The following CALM2 variants were observed in gnomAD, a reference collection of about 807,000 sequenced individuals.
The protein encoded by CALM2 is calmodulin 2.
CALM2 carries 2 observed loss-of-function variants against 19.8 expected under a neutral mutation model. That is an observed-to-expected ratio of 0.10 (90% CI 0.04 to 0.32). The LOEUF is 0.32. CALM2 is among the 10% of genes least tolerant of loss of function. The pLI, the probability that CALM2 is intolerant of heterozygous loss-of-function variation, is 1.00. For missense variants in CALM2, 38 were observed against 178.7 expected (o/e 0.21, Z 4.49); for synonymous variants, 51 against 52.1 (o/e 0.98, Z 0.09).
chr2:47,169,915 G>A (rs1666610309), intron 2 of CALM2, among the ~76,000 whole-genome samples: 1 of 146,624 alleles, frequency 6.8e-6, no homozygotes, highest in Non-Finnish European at 1.5e-5. Context: ...TAATAAAAGT[G>A]TCTAATGAAA....
intron 1 of CALM2, chr2:47,172,412 A>T: frequency 1.5e-6 from 1 of 686,780 alleles, no homozygotes; most frequent in South Asian, 1.5e-5. Flanking sequence ...AACAATACTT[A>T]CCTTGCAGGG....
chr2:47,167,189 T>C (rs1380044066), intron 2 of CALM2, among the ~76,000 whole-genome samples: 2 of 152,192 alleles, frequency 1.3e-5, no homozygotes, highest in East Asian at 1.9e-4. Context: ...CATTGAGTAA[T>C]ATTAATATTT....
Position 47,160,753 on chromosome 2 carries a change from T to C in CALM2, c.*23A>G. Reference sequence around the variant, plus strand: ...AAATAAACAATTTTGTACAAGAAATTTAACACATTCTGTACAAGGTCTTCA... The same window carrying C: ...AAATAAACAATTTTGTACAAGAAATCTAACACATTCTGTACAAGGTCTTCA... On this transcript the variant is annotated 3_prime_UTR_variant, in exon 6 of 6. Transcript: ENST00000272298. 7.2e-7 allele frequency: 1 copy of C among 1,384,676 alleles called. No homozygotes were observed. The highest frequency in any genetic ancestry group is 2.5e-5 in the East Asian group (1 of 40,564). 85.8% of individuals were successfully genotyped at this position (1,384,676 alleles called of 1,614,324 possible). A position where few individuals can be genotyped will look rare whatever the true frequency, so the allele number is the denominator to read the frequency against.
rs755994751 is a variant in CALM2, at chr2:47,176,428, G to C, written c.3+13C>G. On this transcript the variant is annotated intron_variant, in intron 1 of 5. Transcript: ENST00000272298. ...CCACAGGCCCAGCGCCGGCAGCTCA[G>C]CGATGCACTCACCATGCTGCAAGCG... is the stretch of plus-strand genomic sequence containing the variant. 5.0e-6 allele frequency: 8 copies of C among 1,613,180 alleles called. No individual in the cohort carries two copies. The South Asian group carries it at 7.7e-5, about 16-fold the overall frequency.
intron 1 of CALM2, 162 bp downstream of exon 1, chr2:47,176,279 G>A (rs1029291116): frequency 1.4e-5 from 11 of 801,284 alleles, no homozygotes; most frequent in Non-Finnish European, 2.0e-5. Flanking sequence ...GGGAGCACCT[G>A]CGACACAACC....
chr2:47,163,176 G>GT (rs1337683806), intron 2 of CALM2: 1 of 153,216 alleles, frequency 6.5e-6, no homozygotes, highest in East Asian at 1.9e-4. Flanking sequence ...TGTGTTTAGA[G>GT]TTAGCCACTA....
chr2:47,162,458 G>C, intron 3 of CALM2, 61 bp downstream of exon 3: 1 of 1,610,184 alleles, frequency 6.2e-7, no homozygotes, highest in Non-Finnish European at 8.5e-7. Flanking sequence ...CAAAGGTTTA[G>C]TGGAAACATC....
At chr2:47,169,977 A>C (rs1403404497) in intron 2 of CALM2, among the ~76,000 whole-genome samples, 1 of 144,082 alleles carries the variant, frequency 6.9e-6, no homozygotes, top group Non-Finnish European at 1.5e-5. Context: ...AAAAAAAAAC[A>C]ACTCCGGCAA....
At chr2:47,165,555 T>C (rs973638146) in intron 2 of CALM2, among the ~76,000 whole-genome samples, 2 of 152,214 alleles carry the variant, frequency 1.3e-5, no homozygotes, top group Non-Finnish European at 2.9e-5. Flanking sequence ...TTTCTTGGCC[T>C]TCGTAACAGT....
intron 1 of CALM2, among the ~76,000 whole-genome samples, chr2:47,174,384 C>G (rs575204725): frequency 6.6e-6 from 1 of 152,216 alleles, no homozygotes; most frequent in African/African-American, 2.4e-5. Flanking sequence ...CATTGACTAG[C>G]CAGGACTACA....
chr2:47,175,766 C>T (rs1306703556), intron 1 of CALM2, among the ~76,000 whole-genome samples: 1 of 147,102 alleles, frequency 6.8e-6, no homozygotes, highest in African/African-American at 2.4e-5. Flanking sequence ...GCAGCTGGAG[C>T]TCGAGCGGGG....
Position 47,162,620 on chromosome 2 carries a change from C to T in CALM2, c.77G>A (p.Gly26Glu). ...AFSLFDKDGD[G>E]TITTKELGTV... The stretch of plus-strand genomic sequence containing the variant: ...TCCCAATTCCTTTGTTGTTATAGTT[C>T]CATCACCATCTTTGTCAAATAGTGA... The change falls in exon 3 of 6, where the codon GGA becomes GAA. Residue 26 changes from glycine to glutamate, a missense_variant. By Grantham distance (98) the Gly-to-Glu change is moderately conservative. Coordinates refer to ENST00000272298, the MANE Select transcript of CALM2 (RefSeq NM_001743.6). The T allele has an allele frequency of 6.2e-7, 1 of 1,609,932 alleles. No homozygotes were observed. The highest frequency in any genetic ancestry group is 8.5e-7 in the Non-Finnish European group (1 of 1,177,886).
intron 1 of CALM2, among the ~76,000 whole-genome samples, chr2:47,175,947 C>A (rs1229724425): frequency 6.6e-6 from 1 of 151,556 alleles, no homozygotes; most frequent in African/African-American, 2.4e-5. Context: ...CCGACGCTCG[C>A]CCCAGGGCCC....
At chr2:47,173,753 T>C (rs1183192993) in intron 1 of CALM2, 1 of 152,248 alleles carries the variant, frequency 6.6e-6, no homozygotes, top group Non-Finnish European at 1.5e-5. Flanking sequence ...AGGTGCTACT[T>C]TGATACAACA....
chr2:47,175,783 G>C (rs998122431), intron 1 of CALM2, among the ~76,000 whole-genome samples: 5 of 149,662 alleles, frequency 3.3e-5, no homozygotes, highest in African/African-American at 7.3e-5. Context: ...GGGGCCGAGC[G>C]GGGCGGCGGC....
intron 1 of CALM2, among the ~76,000 whole-genome samples, chr2:47,175,178 C>G (rs571261649): frequency 1.3e-5 from 2 of 150,040 alleles, no homozygotes; most frequent in Admixed American, 1.3e-4. Flanking sequence ...CGCATACACT[C>G]TTCCATCACA....
At chr2:47,173,346 A>C (rs954890982) in intron 1 of CALM2, 1 of 152,150 alleles carries the variant, frequency 6.6e-6, no homozygotes, top group African/African-American at 2.4e-5. Context: ...AGTGAAGAAG[A>C]ATTCACTAGA....
Position 47,176,471 on chromosome 2 carries a change from G to T in CALM2, c.-28C>A. The T allele has an allele frequency of 6.2e-7, 1 of 1,613,598 alleles. No homozygotes were observed. Among genetic ancestry groups the T allele is most frequent in the Non-Finnish European group, 8.5e-7 (1 of 1,179,956 alleles). On this transcript the variant is annotated 5_prime_UTR_variant, in exon 1 of 6. Coordinates refer to ENST00000272298, the MANE Select transcript of CALM2 (RefSeq NM_001743.6). ...TGCAAGCGCTACCGGTTTCCGAGAC[G>T]CGACCACACAACCACTCAGCTCGCT...
At position 47,160,109 on chromosome 2, in the gene CALM2, T is replaced by A. The variant is rs1198801561; in HGVS notation, c.*667A>T. 1 of 152,592 alleles carries A rather than the reference T, an allele frequency of 6.6e-6. No individual in the cohort carries two copies. The highest frequency in any genetic ancestry group is 1.9e-4 in the East Asian group (1 of 5,198). 9.5% of individuals were successfully genotyped at this position (152,592 alleles called of 1,614,324 possible). ...CCAAGCAGAAACCAATGCCATATTT[T>A]ATTTTCAAAATTATTAGACTTCAAC... On this transcript the variant is annotated 3_prime_UTR_variant, in exon 6 of 6. Transcript: ENST00000272298.
Sources: allele counts gnomAD v4.1 joint callset (sites outside exome capture counted in the v4.1 genomes callset), GRCh38; gene constraint gnomAD v4.1.1; transcripts MANE v1.5; gene names NCBI Gene and HGNC (gene_info 2026-07-23, HGNC 2026-07-21).